The following PAWR variants were observed in gnomAD, a reference collection of about 807,000 sequenced individuals.
PAWR encodes PRKC apoptosis WT1 regulator protein.
PAWR carries 23 observed loss-of-function variants against 32.0 expected under a neutral mutation model. The observed-to-expected ratio is 0.72, with a 90% confidence interval of 0.52 to 1.02. PAWR has a LOEUF of 1.02. Among genes scored for constraint, PAWR ranks in the 50% least tolerant of loss-of-function variants. The pLI, the probability that PAWR is intolerant of heterozygous loss-of-function variation, is 0.00. For synonymous variants in PAWR, 226 were observed against 187.1 expected, an observed-to-expected ratio of 1.21 and a Z score of -1.70; for missense variants, 457 against 437.7, an observed-to-expected ratio of 1.04 and a Z score of -0.39.
intron 2 of PAWR, among the ~76,000 whole-genome samples, chr12:79,637,244 G>T (rs144179866): frequency 6.6e-6 from 1 of 152,226 alleles, no homozygotes; most frequent in East Asian, 1.9e-4. Context: ...TGTGGATTAA[G>T]TGCCTGTGCT....
chr12:79,689,824 C>A lies in PAWR; in HGVS notation c.421G>T (p.Gly141Cys). The A allele has an allele frequency of 6.3e-7, 1 of 1,594,512 alleles. No homozygotes were observed. Among genetic ancestry groups the A allele is most frequent in the Non-Finnish European group, 8.5e-7 (1 of 1,171,586 alleles). ...DGVPEKGKSSGPSARKGKGQI... is the reference protein window; with the variant it reads ...DGVPEKGKSSCPSARKGKGQI... ...CCCTTGCCTTTCCTGGCACTGGGGC[C>A]CGAGCTCTTGCCCTTCTCTGGGACG... Residue 141 changes from glycine to cysteine, a missense_variant, in exon 2 of 7, where the codon GGC becomes TGC. Transcript: ENST00000328827.
chr12:79,631,218 A>G (rs921489935), intron 2 of PAWR, among the ~76,000 whole-genome samples: 2 of 152,190 alleles, frequency 1.3e-5, no homozygotes, highest in Non-Finnish European at 2.9e-5. Context: ...GGTAAAAGAA[A>G]TCAATCTTTT....
chr12:79,653,315 C>T (rs988956836), intron 2 of PAWR, among the ~76,000 whole-genome samples: 2 of 152,258 alleles, frequency 1.3e-5, no homozygotes, highest in South Asian at 2.1e-4. Context: ...GGATTACAGG[C>T]GTGAGCCACT....
At chr12:79,600,648 CTT>C (rs1025749975) in intron 4 of PAWR, among the ~76,000 whole-genome samples, 1,269 of 102,226 alleles carry the variant, frequency 0.012, 6 homozygotes, top group African/African-American at 0.054. Context: ...CCATACCTGG[CTT>C]TTTTTTTTTT....
At chr12:79,615,897 A>C (rs1009487380) in intron 3 of PAWR, among the ~76,000 whole-genome samples, 2 of 151,862 alleles carry the variant, frequency 1.3e-5, no homozygotes, top group Admixed American at 6.6e-5. Context: ...ATCTCTACAT[A>C]AAATACAAAA....
intron 4 of PAWR, among the ~76,000 whole-genome samples, chr12:79,612,961 A>G (rs1874509163): frequency 6.6e-6 from 1 of 152,228 alleles, no homozygotes; most frequent in Admixed American, 6.5e-5. Context: ...TGTTGAAGCC[A>G]TAACCCTTAA....
chr12:79,689,410 G>A (rs964048586), intron 2 of PAWR, among the ~76,000 whole-genome samples: 1 of 151,948 alleles, frequency 6.6e-6, no homozygotes, highest in Admixed American at 6.5e-5. Flanking sequence ...GCCAAGTCCA[G>A]GTGGCCAAGT....
intron 5 of PAWR, among the ~76,000 whole-genome samples, chr12:79,595,349 G>T (rs1873711619): frequency 6.6e-6 from 1 of 152,116 alleles, no homozygotes; most frequent in Non-Finnish European, 1.5e-5. Flanking sequence ...GGGGCAAAAG[G>T]GAAGCAGAGC....
At chr12:79,604,461 A>T (rs1874089353) in intron 4 of PAWR, 3 of 1,075,900 alleles carry the variant, frequency 2.8e-6, no homozygotes, top group Admixed American at 5.3e-5. Flanking sequence ...AAGAGATTAT[A>T]GCTAGAGGAA....
chr12:79,651,805 C>T (rs73345519), intron 2 of PAWR, among the ~76,000 whole-genome samples: 1,680 of 152,034 alleles, frequency 0.011, 40 homozygotes, highest in African/African-American at 0.038. Flanking sequence ...TAGAAGGCAA[C>T]GGTACAATCA....
intron 2 of PAWR, among the ~76,000 whole-genome samples, chr12:79,640,546 G>A (rs1157623169): frequency 1.3e-5 from 2 of 149,494 alleles, no homozygotes; most frequent in Non-Finnish European, 2.9e-5. Context: ...TTTGAGACCA[G>A]CCCAGGCAAC....
At chr12:79,641,281 A>C (rs1468703389) in intron 2 of PAWR, among the ~76,000 whole-genome samples, 1 of 152,088 alleles carries the variant, frequency 6.6e-6, no homozygotes, top group Non-Finnish European at 1.5e-5. Flanking sequence ...TCAGAGCAAA[A>C]CTCTTCTAAC....
intron 2 of PAWR, among the ~76,000 whole-genome samples, chr12:79,675,774 T>G (rs1047634850): frequency 6.6e-6 from 1 of 152,164 alleles, no homozygotes; most frequent in Non-Finnish European, 1.5e-5. Context: ...TTATGGGTAC[T>G]ATGCTGATTA....
Position 79,621,613 on chromosome 12 carries a change from T to C in PAWR, c.517-406A>G, listed in dbSNP as rs8176867. 6.0e-4 allele frequency among the ~76,000 whole-genome samples: 92 copies of C among 152,270 alleles called. 1 individual carries two copies. The East Asian group carries it at 0.016, about 26-fold the overall frequency. ...AAGATAATACATATATATAGATAGATAGATAACTTAGTGATAAAGGCCCAG... is the reference window on the plus strand; with the variant it reads ...AAGATAATACATATATATAGATAGACAGATAACTTAGTGATAAAGGCCCAG... On this transcript the variant is annotated intron_variant, in intron 2 of 6. Coordinates refer to ENST00000328827, the MANE Select transcript of PAWR (RefSeq NM_002583.4).
At chr12:79,610,724 C>T (rs1281514395) in intron 4 of PAWR, among the ~76,000 whole-genome samples, 1 of 150,160 alleles carries the variant, frequency 6.7e-6, no homozygotes, top group Admixed American at 6.7e-5. Flanking sequence ...TTGAGATCAC[C>T]CTGGGCAACA....
intron 5 of PAWR, among the ~76,000 whole-genome samples, chr12:79,595,098 T>A (rs1454065079): frequency 6.6e-6 from 1 of 152,136 alleles, no homozygotes; most frequent in Admixed American, 6.6e-5. Flanking sequence ...TTGAAATAAT[T>A]CAAAATTAAT....
At chr12:79,610,449 A>G (rs1031347671) in intron 4 of PAWR, among the ~76,000 whole-genome samples, 4 of 152,222 alleles carry the variant, frequency 2.6e-5, no homozygotes, top group African/African-American at 9.6e-5. Flanking sequence ...AAAGAATCAT[A>G]GTCATGTTTT....
At chr12:79,597,214 C>G (rs1297230671) in intron 4 of PAWR, 2 of 152,044 alleles carry the variant, frequency 1.3e-5, no homozygotes, top group Non-Finnish European at 2.9e-5. Context: ...ATGTGGCCAC[C>G]ACACCGGGCA....
At position 79,589,538 on chromosome 12, in the gene PAWR, G is replaced by T. The variant is rs1264073617; in HGVS notation, c.*3069C>A. 6.6e-6 allele frequency: 1 copy of T among 150,862 alleles called. No homozygotes were observed. Among genetic ancestry groups the T allele is most frequent in the African/African-American group, 2.4e-5 (1 of 41,118 alleles). 9.3% of individuals were successfully genotyped at this position (150,862 alleles called of 1,614,324 possible). On this transcript the variant is annotated 3_prime_UTR_variant, in exon 7 of 7. Transcript: ENST00000328827. ...TAATTTTCTATGTTTGAAACTACTT[G>T]AACAAGTGTGACAGTGCTAATCTAC...
Sources: gnomAD v4.1 joint callset for allele counts (sites outside exome capture counted in the v4.1 genomes callset) on GRCh38, gnomAD v4.1.1 for gene constraint, MANE v1.5 for transcripts, NCBI Gene and HGNC (gene_info 2026-07-23, HGNC 2026-07-21) for gene names.